Variants in MRAP2 observed in about 807,000 individuals in gnomAD.
MRAP2 encodes the protein melanocortin-2 receptor accessory protein 2.
Under a neutral mutation model 17.4 loss-of-function variants are expected in MRAP2, and 20 were observed. The ratio of observed to expected loss-of-function variants is 1.15; its 90% CI spans 0.81 to 1.67. The LOEUF (loss-of-function observed/expected upper bound fraction) is 1.67. MRAP2 is among the 40% of genes most tolerant of loss of function. The probability of loss-of-function intolerance (pLI) is 0.00; values close to 1 mark genes in which losing one functional copy is unlikely to be tolerated. For synonymous variants in MRAP2, 96 were observed against 88.4 expected (o/e 1.09, Z -0.48); for missense variants, 238 against 240.0 (o/e 0.99, Z 0.05).
At chr6:84,051,151 T>A (rs150029138) in intron 1 of MRAP2, among the ~76,000 whole-genome samples, 1 of 152,230 alleles carries the variant, frequency 6.6e-6, no homozygotes, top group Non-Finnish European at 1.5e-5. Flanking sequence ...ACCATCGTAA[T>A]CCACCAGGGA....
At chr6:84,084,295 T>A (rs1278487369) in intron 3 of MRAP2, among the ~76,000 whole-genome samples, 4 of 152,186 alleles carry the variant, frequency 2.6e-5, no homozygotes, top group Non-Finnish European at 2.9e-5. Flanking sequence ...TTTTTCCAGC[T>A]TTTTCTAGTC....
At chr6:84,074,287 G>T (rs2099497045) in intron 3 of MRAP2, among the ~76,000 whole-genome samples, 1 of 152,096 alleles carries the variant, frequency 6.6e-6, no homozygotes, top group South Asian at 2.1e-4. Flanking sequence ...CCTGGTGATG[G>T]GTCAGAAGGA....
chr6:84,091,563 T>A (rs2099501794), downstream of MRAP2, among the ~76,000 whole-genome samples: 1 of 152,162 alleles, frequency 6.6e-6, no homozygotes, highest in African/African-American at 2.4e-5. Context: ...GTATGATTAT[T>A]CATAATTTAT....
chr6:84,086,082 T>A (rs1475366375), intron 3 of MRAP2, among the ~76,000 whole-genome samples: 1 of 152,222 alleles, frequency 6.6e-6, no homozygotes, highest in African/African-American at 2.4e-5. Flanking sequence ...AGACCATTTA[T>A]GTCAACCTAA....
chr6:84,057,760 ATAGT>A (rs1213895016), intron 2 of MRAP2, among the ~76,000 whole-genome samples: 1 of 152,248 alleles, frequency 6.6e-6, no homozygotes, highest in African/African-American at 2.4e-5. Context: ...CAGACAATAA[ATAGT>A]TAAATAGATA....
intron 2 of MRAP2, among the ~76,000 whole-genome samples, chr6:84,060,687 C>T (rs765657416): frequency 3.2e-4 from 49 of 150,926 alleles, no homozygotes; most frequent in Non-Finnish European, 3.0e-4. Context: ...TTTGTCCTTA[C>T]ATCTTTTTTT....
the MRAP2 span, among the ~76,000 whole-genome samples, chr6:84,130,945 G>A: frequency 6.6e-6 from 1 of 152,134 alleles, no homozygotes; most frequent in African/African-American, 2.4e-5. Context: ...TAATTGTGAT[G>A]TTAGGGTGTT....
chr6:84,058,982 A>G (rs972536254), intron 2 of MRAP2, among the ~76,000 whole-genome samples: 5 of 152,182 alleles, frequency 3.3e-5, no homozygotes, highest in African/African-American at 1.2e-4. Flanking sequence ...AATTGGGGAC[A>G]GCATGTACAG....
chr6:84,084,816 G>T (rs1299684999), intron 3 of MRAP2, among the ~76,000 whole-genome samples: 1 of 151,808 alleles, frequency 6.6e-6, no homozygotes, highest in Non-Finnish European at 1.5e-5. Context: ...TGGAGTCCCA[G>T]AAGACCAGGC....
chr6:84,087,047 C>T (rs80043389), intron 3 of MRAP2, among the ~76,000 whole-genome samples: 1,584 of 152,262 alleles, frequency 0.01, 32 homozygotes, highest in African/African-American at 0.036. Context: ...TGTGAACCCC[C>T]AAAATCCGAG....
intron 2 of MRAP2, chr6:84,061,844 AGTGCTTTAT>A: frequency 1.0e-6 from 1 of 985,468 alleles, no homozygotes. Flanking sequence ...CATTGTATAA[AGTGCTTTAT>A]GTGTGGAATC....
intron 1 of MRAP2, among the ~76,000 whole-genome samples, chr6:84,038,565 C>T (rs1323390763): frequency 1.3e-5 from 2 of 152,072 alleles, no homozygotes; most frequent in African/African-American, 2.4e-5. Context: ...GATCACAGCT[C>T]ACTGCAGCCT....
chr6:84,052,895 C>T, intron 1 of MRAP2: 1 of 541,126 alleles, frequency 1.8e-6, no homozygotes, highest in Non-Finnish European at 2.4e-6. Context: ...TTGGTAATGC[C>T]CTTTAGTAAT....
rs141429551 is a variant in MRAP2 at position 84,039,702 on chromosome 6, T to G, written c.-8+5819T>G. The stretch of plus-strand genomic sequence containing the variant: ...AAATAGTTTGTAAGCTTCAAATAAT[T>G]CTCCTGCAAGGTGCATTTGTTTTCC... On this transcript the variant is annotated intron_variant, in intron 1 of 3. Coordinates refer to ENST00000257776, the MANE Select transcript of MRAP2 (RefSeq NM_138409.4). 2.7e-4 allele frequency among the ~76,000 whole-genome samples: 41 copies of G among 152,302 alleles called. No homozygotes were observed. The East Asian group carries it at 6.9e-3, about 26-fold the overall frequency.
intron 1 of MRAP2, chr6:84,045,357 C>T: frequency 3.0e-6 from 3 of 985,340 alleles, no homozygotes; most frequent in African/African-American, 1.7e-5. Flanking sequence ...TTATGAAGGC[C>T]CTGGAGTAGG....
At chr6:84,146,049 C>T in the MRAP2 span, among the ~76,000 whole-genome samples, 3 of 152,078 alleles carry the variant, frequency 2.0e-5, no homozygotes, top group African/African-American at 7.2e-5. Context: ...CTATTCTCAG[C>T]ACTAAGACAA....
At chr6:84,036,212 C>T (rs2129155554) in intron 1 of MRAP2, among the ~76,000 whole-genome samples, 1 of 151,232 alleles carries the variant, frequency 6.6e-6, no homozygotes, top group African/African-American at 2.4e-5. Flanking sequence ...CTCCATAACT[C>T]TTGAACCCAC....
Position 84,089,456 on chromosome 6 carries a change from A to G in MRAP2, c.593A>G (p.Gln198Arg), listed in dbSNP as rs755073980. 1.2e-6 allele frequency: 2 copies of G among 1,613,596 alleles called. No individual in the cohort carries two copies. Among genetic ancestry groups the G allele is most frequent in the Admixed American group, 1.7e-5 (1 of 59,996 alleles). Reference protein sequence around the residue: ...PIVLETKPLSQTSHKDLD With the variant: ...PIVLETKPLSRTSHKDLD ...GTTCTGGAAACTAAGCCACTTTCCC[A>G]GACCTCACACAAAGACCTGGATTGA... Residue 198 changes from glutamine (Q) to arginine (R), a missense_variant, in exon 4 of 4, where the codon CAG (glutamine) becomes CGG (arginine). Coordinates refer to ENST00000257776, the MANE Select transcript of MRAP2 (RefSeq NM_138409.4).
At chr6:84,055,480 T>C (rs1440158740) in intron 2 of MRAP2, 35 bp downstream of exon 2, 6 of 1,600,044 alleles carry the variant, frequency 3.7e-6, no homozygotes, top group Non-Finnish European at 5.1e-6. Flanking sequence ...GAAAGCATAA[T>C]TGTATTTCTC....
Sources: allele counts gnomAD v4.1 joint callset (sites outside exome capture counted in the v4.1 genomes callset), GRCh38; gene constraint gnomAD v4.1.1; transcripts MANE v1.5; gene names NCBI Gene and HGNC (gene_info 2026-07-23, HGNC 2026-07-21).